PTH2R: variants seen among roughly 807,000 people sequenced by gnomAD.
The protein encoded by PTH2R is PTH2 receptor.
In PTH2R, 59 loss-of-function variants were observed where a neutral mutation model predicts 60.3. The ratio of observed to expected loss-of-function variants is 0.98; its 90% CI spans 0.79 to 1.22. PTH2R has a LOEUF of 1.22. PTH2R is among the 50% of genes most tolerant of loss of function. The pLI, the probability that PTH2R is intolerant of heterozygous loss-of-function variation, is 0.00. For missense variants in PTH2R, 749 were observed against 682.6 expected (o/e 1.10, Z -1.08); for synonymous variants, 256 against 243.8 (o/e 1.05, Z -0.47).
chr2:208,444,929 C>T, intron 7 of PTH2R, 42 bp downstream of exon 7: 5 of 1,562,516 alleles, frequency 3.2e-6, no homozygotes, highest in Non-Finnish European at 4.4e-6. Context: ...CTGGATGATG[C>T]ATTTGATGAC....
At chr2:208,475,105 C>T (rs1702970925) in intron 9 of PTH2R, among the ~76,000 whole-genome samples, 1 of 152,114 alleles carries the variant, frequency 6.6e-6, no homozygotes, top group African/African-American at 2.4e-5. Flanking sequence ...CATTTAAATC[C>T]ATTTCTTTGG....
At chr2:208,474,350 T>C (rs1702952558) in intron 9 of PTH2R, among the ~76,000 whole-genome samples, 1 of 152,158 alleles carries the variant, frequency 6.6e-6, no homozygotes, top group African/African-American at 2.4e-5. Flanking sequence ...CATGTAGTAG[T>C]GATATAAGCT....
chr2:208,417,791 A>G (rs1185998545), intron 1 of PTH2R, among the ~76,000 whole-genome samples: 1 of 152,120 alleles, frequency 6.6e-6, no homozygotes, highest in African/African-American at 2.4e-5. Context: ...AAAGCTACAT[A>G]GAAAATCCAG....
intron 1 of PTH2R, among the ~76,000 whole-genome samples, chr2:208,373,594 A>G (rs1700741746): frequency 6.6e-6 from 1 of 152,088 alleles, no homozygotes; most frequent in Non-Finnish European, 1.5e-5. Context: ...TGTTGGAGGA[A>G]GAGGGTATTT....
intron 8 of PTH2R, among the ~76,000 whole-genome samples, chr2:208,452,572 T>A (rs1376792644): frequency 6.6e-6 from 1 of 152,182 alleles, no homozygotes; most frequent in African/African-American, 2.4e-5. Context: ...GTAGAAAAGA[T>A]GAGGGGTGGA....
chr2:208,360,136 T>C lies in PTH2R; in HGVS notation c.-360T>C, dbSNP rs780317665. 35 of 431,310 alleles carry C rather than the reference T, an allele frequency of 8.1e-5. No homozygotes were observed. The East Asian group carries it at 2.0e-3, about 25-fold the overall frequency. 26.7% of individuals were successfully genotyped at this position (431,310 alleles called of 1,614,324 possible). On this transcript the variant is annotated 5_prime_UTR_variant, in exon 1 of 13. Coordinates refer to the PTH2R transcript ENST00000617735. ...CCCTCGAAAATGACCTTTTTATGCTTCGAAGCAGTTTGTCACCAGCATAGT... is the reference window on the plus strand; with the variant it reads ...CCCTCGAAAATGACCTTTTTATGCTCCGAAGCAGTTTGTCACCAGCATAGT...
chr2:208,368,970 G>A (rs1179628927), intron 1 of PTH2R, among the ~76,000 whole-genome samples: 2 of 151,132 alleles, frequency 1.3e-5, no homozygotes, highest in East Asian at 3.9e-4. Context: ...CACTGTCATT[G>A]TTACTTGGAT....
intron 7 of PTH2R, 21 bp downstream of exon 7, chr2:208,444,908 T>C: frequency 2.5e-6 from 4 of 1,601,686 alleles, no homozygotes; most frequent in Non-Finnish European, 3.4e-6. Context: ...TATATCTCTG[T>C]TCCTTTCAAA....
Position 208,479,593 on chromosome 2 carries a change from T to C in PTH2R, c.982-1477T>C, listed in dbSNP as rs1703098699. On this transcript the variant is annotated intron_variant, in intron 9 of 12. Coordinates refer to ENST00000272847, the MANE Select transcript of PTH2R (RefSeq NM_005048.4). The stretch of plus-strand genomic sequence containing the variant: ...GCTTCTTTCTCAGTGACCTGAGCAG[T>C]ACTCAAGTAGCTTTTCACCTTCTTA... Among the ~76,000 whole-genome samples, 4 of 152,192 alleles carry C rather than the reference T, an allele frequency of 2.6e-5. 1 individual carries two copies. The South Asian group carries it at 8.3e-4, about 31-fold the overall frequency.
intron 1 of PTH2R, among the ~76,000 whole-genome samples, chr2:208,389,269 A>ACAG (rs1701063655): frequency 4.6e-5 from 6 of 130,980 alleles, no homozygotes; most frequent in Admixed American, 3.7e-4. Flanking sequence ...CACACACACA[A>ACAG]TCTATTGAGG....
chr2:208,470,231 T>C (rs1458847931), intron 9 of PTH2R, among the ~76,000 whole-genome samples: 1 of 152,202 alleles, frequency 6.6e-6, no homozygotes, highest in Non-Finnish European at 1.5e-5. Context: ...AAGGAGGAAC[T>C]GTGGTATTTG....
At chr2:208,407,242 G>C in intron 1 of PTH2R, 124 bp downstream of exon 1, 1 of 796,420 alleles carries the variant, frequency 1.3e-6, no homozygotes, top group East Asian at 3.1e-5. Context: ...AAACGCCCCG[G>C]CACGCACCGA....
intron 8 of PTH2R, 97 bp from the exon 9 acceptor site, chr2:208,459,798 T>C (rs746880054): frequency 3.4e-5 from 31 of 916,174 alleles, no homozygotes; most frequent in Non-Finnish European, 4.9e-5. Flanking sequence ...TAATTGGAAG[T>C]GTGGGGTTGG....
At chr2:208,439,309 A>T (rs1702138068) in intron 4 of PTH2R, among the ~76,000 whole-genome samples, 1 of 152,114 alleles carries the variant, frequency 6.6e-6, no homozygotes. Flanking sequence ...AATTTGAAGA[A>T]TTGTGTTAGT....
intron 9 of PTH2R, among the ~76,000 whole-genome samples, chr2:208,471,462 G>C (rs1210206325): frequency 6.6e-6 from 1 of 152,236 alleles, no homozygotes; most frequent in South Asian, 2.1e-4. Flanking sequence ...GGCCAATGTA[G>C]AGCTTGGGCC....
intron 1 of PTH2R, among the ~76,000 whole-genome samples, chr2:208,393,734 C>G (rs1316450900): frequency 6.6e-6 from 1 of 152,204 alleles, no homozygotes; most frequent in Non-Finnish European, 1.5e-5. Flanking sequence ...TGGAAAATTT[C>G]TATATACCTA....
In PTH2R at chr2:208,443,541, A is replaced by C. The variant is rs755704929; in HGVS notation, c.699+4A>C. 1 of 1,592,136 alleles carries C rather than the reference A, an allele frequency of 6.3e-7. No homozygotes were observed. The highest frequency in any genetic ancestry group is 8.5e-7 in the Non-Finnish European group (1 of 1,170,458). On this transcript the variant is annotated splice_donor_region_variant and intron_variant, in intron 6 of 12. Coordinates refer to ENST00000272847, the MANE Select transcript of PTH2R (RefSeq NM_005048.4). ...TTCTGTGGACAAATCACAATATGTA[A>C]GTGTTTTCACCATTTTCTCTCATTA...
intron 11 of PTH2R, 51 bp from the exon 12 acceptor site, chr2:208,490,588 T>G: frequency 6.3e-7 from 1 of 1,580,398 alleles, no homozygotes; most frequent in African/African-American, 1.4e-5. Flanking sequence ...GATGCTTAAG[T>G]GCTGTGAGTT....
At chr2:208,425,146 C>T (rs1220710785) in intron 1 of PTH2R, among the ~76,000 whole-genome samples, 1 of 152,092 alleles carries the variant, frequency 6.6e-6, no homozygotes, top group African/African-American at 2.4e-5. Context: ...AGATTGAATA[C>T]TTCTTAAAAA....
Sources: gnomAD v4.1 joint callset for allele counts (sites outside exome capture counted in the v4.1 genomes callset) on GRCh38, gnomAD v4.1.1 for gene constraint, MANE v1.5 for transcripts, NCBI Gene and HGNC (gene_info 2026-07-23, HGNC 2026-07-21) for gene names.